The following DLG2 variants were observed in gnomAD, a reference collection of about 807,000 sequenced individuals.
DLG2 encodes disks large homolog 2.
A neutral mutation model predicts 132.5 loss-of-function variants in DLG2; 45 were observed. The observed-to-expected ratio is 0.34, with a 90% CI of 0.27 to 0.44. The LOEUF is 0.44. Ranked by LOEUF, DLG2 falls within the 20% of genes least tolerant of loss-of-function variation. The probability of loss-of-function intolerance (pLI) is 1.00; values close to 1 mark genes in which losing one functional copy is unlikely to be tolerated. For synonymous variants in DLG2, 424 were observed against 419.6 expected (o/e 1.01, Z -0.13); for missense variants, 1,045 against 1,196.9 (o/e 0.87, Z 1.87).
At chr11:84,928,102 T>C (rs572575792) in intron 6 of DLG2, among the ~76,000 whole-genome samples, 7 of 151,992 alleles carry the variant, frequency 4.6e-5, no homozygotes, top group African/African-American at 9.6e-5. Context: ...GAGGAAAGTA[T>C]AGAAAACAAA....
intron 6 of DLG2, among the ~76,000 whole-genome samples, chr11:84,738,042 A>G (rs2064090867): frequency 6.6e-6 from 1 of 152,070 alleles, no homozygotes; most frequent in Admixed American, 6.6e-5. Flanking sequence ...TAACTTGGAT[A>G]CATTCCTCTA....
intron 9 of DLG2, among the ~76,000 whole-genome samples, chr11:84,114,813 C>T (rs557593206): frequency 6.7e-6 from 1 of 149,050 alleles, no homozygotes; most frequent in East Asian, 2.0e-4. Flanking sequence ...AGGCACAAAC[C>T]ATGAAGCCTG....
At chr11:83,547,829 T>C (rs1274239964) in intron 19 of DLG2, among the ~76,000 whole-genome samples, 1 of 152,172 alleles carries the variant, frequency 6.6e-6, no homozygotes, top group Non-Finnish European at 1.5e-5. Flanking sequence ...ACTTTGGTAC[T>C]GGAAGTGAGG....
intron 19 of DLG2, chr11:83,632,542 T>A (rs1222656573): frequency 6.6e-6 from 1 of 152,218 alleles, no homozygotes; most frequent in African/African-American, 2.4e-5. Flanking sequence ...AAGAGGAGCA[T>A]GTTATAGTTG....
At chr11:84,029,931 T>C (rs1455690010) in intron 11 of DLG2, among the ~76,000 whole-genome samples, 1 of 152,274 alleles carries the variant, frequency 6.6e-6, no homozygotes, top group African/African-American at 2.4e-5. Flanking sequence ...TTCATTTCAG[T>C]TATCATTATA....
chr11:84,437,130 T>C (rs1032040502), intron 7 of DLG2, among the ~76,000 whole-genome samples: 2 of 152,228 alleles, frequency 1.3e-5, no homozygotes, highest in African/African-American at 4.8e-5. Flanking sequence ...CTTAAGTCTC[T>C]GTGAAGACAC....
chr11:84,519,168 GA>G (rs2099285243), intron 7 of DLG2, among the ~76,000 whole-genome samples: 1 of 152,100 alleles, frequency 6.6e-6, no homozygotes, highest in South Asian at 2.1e-4. Context: ...ACAGAGACAA[GA>G]AGAAGAATTC....
intron 7 of DLG2, among the ~76,000 whole-genome samples, chr11:84,502,321 T>C (rs372651234): frequency 5.2e-4 from 6 of 11,444 alleles, no homozygotes; most frequent in South Asian, 2.7e-3. Flanking sequence ...TTTCTTTCTT[T>C]CTTTCTTTCT....
chr11:84,890,012 T>C (rs1360709676), intron 6 of DLG2, among the ~76,000 whole-genome samples: 1 of 152,230 alleles, frequency 6.6e-6, no homozygotes, highest in Non-Finnish European at 1.5e-5. Context: ...TGGATAGTCA[T>C]ATGATAGTAG....
chr11:85,012,550 G>C (rs1365849353), intron 6 of DLG2, among the ~76,000 whole-genome samples: 1 of 151,808 alleles, frequency 6.6e-6, no homozygotes, highest in East Asian at 1.9e-4. Flanking sequence ...CAATGTGATA[G>C]GCATTATAAT....
At chr11:84,311,920 G>A (rs934588202) in intron 7 of DLG2, among the ~76,000 whole-genome samples, 1 of 152,058 alleles carries the variant, frequency 6.6e-6, no homozygotes, top group Non-Finnish European at 1.5e-5. Flanking sequence ...TAACAAACAC[G>A]TACAACATTT....
Position 83,661,122 on chromosome 11 carries a change from C to T in DLG2, c.1826-27797G>A, listed in dbSNP as rs1474361993. On this transcript the variant is annotated intron_variant, in intron 18 of 27. Transcript: ENST00000376104. ...AATATACCAGTTCTCCTGCTTTGCC[C>T]GAGGTTAGTGGGAGACAACCTTGTG... 3.3e-5 allele frequency among the ~76,000 whole-genome samples: 5 copies of T among 152,162 alleles called. No individual in the cohort carries two copies. The South Asian group carries it at 6.2e-4, about 19-fold the overall frequency.
intron 6 of DLG2, among the ~76,000 whole-genome samples, chr11:84,910,781 AAC>A (rs2091986156): frequency 6.6e-6 from 1 of 152,102 alleles, no homozygotes; most frequent in Admixed American, 6.5e-5. Flanking sequence ...CAACAACAAC[AAC>A]AACAACAACA....
intron 16 of DLG2, among the ~76,000 whole-genome samples, chr11:83,842,879 G>A (rs1250020408): frequency 1.3e-5 from 2 of 151,624 alleles, no homozygotes; most frequent in Non-Finnish European, 2.9e-5. Flanking sequence ...ATGGCCATTC[G>A]TGGGCTATTC....
At chr11:85,010,430 A>G (rs915516834) in intron 6 of DLG2, among the ~76,000 whole-genome samples, 1 of 152,122 alleles carries the variant, frequency 6.6e-6, no homozygotes, top group East Asian at 1.9e-4. Flanking sequence ...AGATGTTCTC[A>G]GAGTTCAGAC....
chr11:85,398,378 C>G (rs2087636420), intron 3 of DLG2, among the ~76,000 whole-genome samples: 1 of 151,972 alleles, frequency 6.6e-6, no homozygotes, highest in Non-Finnish European at 1.5e-5. Context: ...ACTAGAGAAG[C>G]TGGAGCAAAC....
intron 3 of DLG2, among the ~76,000 whole-genome samples, chr11:85,366,114 A>G (rs1268049833): frequency 1.3e-5 from 2 of 152,202 alleles, no homozygotes; most frequent in Non-Finnish European, 2.9e-5. Flanking sequence ...GGATGGGGGC[A>G]GTCCCAGACA....
chr11:84,969,307 T>A, intron 6 of DLG2, among the ~76,000 whole-genome samples: 1 of 152,140 alleles, frequency 6.6e-6, no homozygotes, highest in East Asian at 1.9e-4. Context: ...GCCAGGAATG[T>A]CTGGAGCTAG....
At chr11:84,466,401 A>G (rs1482446976) in intron 7 of DLG2, among the ~76,000 whole-genome samples, 1 of 151,370 alleles carries the variant, frequency 6.6e-6, no homozygotes, top group East Asian at 1.9e-4. Context: ...AAACACAAAG[A>G]TCTGATCACT....
Sources: gnomAD v4.1 joint callset for allele counts (sites outside exome capture counted in the v4.1 genomes callset) on GRCh38, gnomAD v4.1.1 for gene constraint, MANE v1.5 for transcripts, NCBI Gene and HGNC (gene_info 2026-07-23, HGNC 2026-07-21) for gene names.